KCNH1: variants seen among roughly 807,000 people sequenced by gnomAD.
The protein encoded by KCNH1 is voltage-gated delayed rectifier potassium channel KCNH1.
KCNH1 carries 27 observed loss-of-function variants against 69.2 expected under a neutral mutation model. That is an observed-to-expected ratio of 0.39 (90% CI 0.29 to 0.54). The LOEUF is 0.54. Among genes scored for constraint, KCNH1 ranks in the 20% least tolerant of loss-of-function variants. The pLI is 0.68. For synonymous variants in KCNH1, 456 were observed against 487.7 expected (o/e 0.93, Z 0.86); for missense variants, 798 against 1,261.6 (o/e 0.63, Z 5.57).
chr1:211,039,232 G>T (rs1366339537), intron 5 of KCNH1, among the ~76,000 whole-genome samples: 1 of 152,240 alleles, frequency 6.6e-6, no homozygotes, highest in East Asian at 1.9e-4. Context: ...TGTTGAGCCT[G>T]CAGGTACACA....
chr1:210,690,450 C>T (rs544098520), intron 10 of KCNH1, among the ~76,000 whole-genome samples: 57 of 152,300 alleles, frequency 3.7e-4, no homozygotes, highest in Middle Eastern at 3.4e-3. Flanking sequence ...CTTGACGTAG[C>T]TTTCCTCGTG....
At chr1:210,930,840 A>C (rs928349762) in intron 6 of KCNH1, among the ~76,000 whole-genome samples, 1 of 152,222 alleles carries the variant, frequency 6.6e-6, no homozygotes, top group Non-Finnish European at 1.5e-5. Flanking sequence ...AGCAAGAAAA[A>C]ACAAACAATC....
At chr1:210,935,120 TCACA>T (rs10588037) in intron 6 of KCNH1, among the ~76,000 whole-genome samples, 17,016 of 128,892 alleles carry the variant, frequency 0.13, 1,171 homozygotes, top group Non-Finnish European at 0.15. Flanking sequence ...AAAGAAAATG[TCACA>T]CACACACACA....
In KCNH1 at chr1:210,797,685, G is replaced by A. The variant is rs1298846019; in HGVS notation, c.1738C>T (p.Pro580Ser). 1.2e-6 allele frequency: 2 copies of A among 1,614,092 alleles called. No individual in the cohort carries two copies. The highest frequency in any genetic ancestry group is 1.7e-6 in the Non-Finnish European group (2 of 1,180,046). The change falls in exon 9 of 11, where the codon CCG becomes TCG. Residue 580 changes from proline to serine, a missense_variant. Physicochemically the swap from Pro to Ser is moderately conservative, Grantham distance 74. This residue lies in a region of KCNH1 where 197 missense variants were observed against 407.7 expected (regional missense o/e 0.48). Coordinates refer to ENST00000271751, the MANE Select transcript of KCNH1 (RefSeq NM_172362.3). ...CCATCACTGGCCAGCCGGAAGGCCG[G>A]GTGCTCCTTGAACACCTTGCGGTTC... The part of the protein sequence containing the change: ...HLNRKVFKEH[P>S]AFRLASDGCL...
At chr1:210,970,618 C>T (rs1374455073) in intron 6 of KCNH1, among the ~76,000 whole-genome samples, 3 of 152,114 alleles carry the variant, frequency 2.0e-5, no homozygotes, top group East Asian at 3.9e-4. Context: ...CTCTTCCTCA[C>T]ACCTTATACA....
At chr1:210,946,519 T>C (rs1687961655) in intron 6 of KCNH1, among the ~76,000 whole-genome samples, 1 of 152,200 alleles carries the variant, frequency 6.6e-6, no homozygotes, top group East Asian at 1.9e-4. Context: ...ATCCCACTTT[T>C]GATGCAGAAA....
At chr1:210,832,360 T>A (rs1189989549) in intron 7 of KCNH1, among the ~76,000 whole-genome samples, 2 of 152,186 alleles carry the variant, frequency 1.3e-5, no homozygotes, top group African/African-American at 4.8e-5. Context: ...CTTATGTTAA[T>A]ATTGCAGATA....
intron 10 of KCNH1, among the ~76,000 whole-genome samples, chr1:210,729,616 A>G (rs1298146341): frequency 6.6e-6 from 1 of 152,222 alleles, no homozygotes; most frequent in African/African-American, 2.4e-5. Context: ...AACATTTGCA[A>G]TTGACTGTCA....
chr1:210,859,466 G>C, intron 7 of KCNH1: 1 of 1,608,714 alleles, frequency 6.2e-7, no homozygotes, highest in East Asian at 2.2e-5. Flanking sequence ...TAGCCTTCCA[G>C]AGCAGTCTCT....
At chr1:210,823,899 T>C (rs1193140815) in intron 7 of KCNH1, among the ~76,000 whole-genome samples, 1 of 152,172 alleles carries the variant, frequency 6.6e-6, no homozygotes, top group African/African-American at 2.4e-5. Context: ...TGCCATTCAC[T>C]GAAGCCCATC....
At chr1:211,119,796 T>A (rs924817335) in intron 1 of KCNH1, among the ~76,000 whole-genome samples, 10 of 152,234 alleles carry the variant, frequency 6.6e-5, no homozygotes, top group Admixed American at 6.5e-4. Context: ...TTATTTGCTC[T>A]GTCTGATCTT....
chr1:210,894,641 G>A (rs1012747672), intron 7 of KCNH1, among the ~76,000 whole-genome samples: 2 of 152,110 alleles, frequency 1.3e-5, no homozygotes, highest in Admixed American at 6.6e-5. Context: ...CTGCCCTCAC[G>A]AATGGATTGA....
chr1:211,066,067 A>T (rs1184825732), intron 5 of KCNH1, among the ~76,000 whole-genome samples: 17 of 151,796 alleles, frequency 1.1e-4, no homozygotes, highest in South Asian at 2.1e-4. Flanking sequence ...TTAAAAAAAA[A>T]TTTTTTTTTA....
chr1:210,963,168 G>A (rs1203675845), intron 6 of KCNH1, among the ~76,000 whole-genome samples: 1 of 150,942 alleles, frequency 6.6e-6, no homozygotes, highest in African/African-American at 2.4e-5. Context: ...TTTGGTAACT[G>A]CCTTAAGAAA....
At chr1:210,751,861 A>G (rs1683290860) in intron 10 of KCNH1, among the ~76,000 whole-genome samples, 1 of 152,130 alleles carries the variant, frequency 6.6e-6, no homozygotes, top group South Asian at 2.1e-4. Context: ...ACCATATAAG[A>G]AACCATAGGC....
At chr1:210,886,925 T>G (rs960449938) in intron 7 of KCNH1, among the ~76,000 whole-genome samples, 2 of 152,168 alleles carry the variant, frequency 1.3e-5, no homozygotes, top group Admixed American at 6.5e-5. Flanking sequence ...GTTTGATTGA[T>G]GTACCTGAAA....
At chr1:211,078,934 A>AAAAGAAAG (rs1302462669) in intron 5 of KCNH1, among the ~76,000 whole-genome samples, 2 of 142,364 alleles carry the variant, frequency 1.4e-5, no homozygotes, top group Non-Finnish European at 3.1e-5. Flanking sequence ...AAAAAAAAAA[A>AAAAGAAAG]AAAGAAAGAA....
At chr1:210,934,805 C>T (rs1024691296) in intron 6 of KCNH1, among the ~76,000 whole-genome samples, 12 of 149,682 alleles carry the variant, frequency 8.0e-5, no homozygotes, top group Admixed American at 6.7e-4. Context: ...GAGGATGAGA[C>T]GAAAAAGGAA....
At chr1:210,761,253 A>G (rs1683512646) in intron 10 of KCNH1, among the ~76,000 whole-genome samples, 3 of 140,940 alleles carry the variant, frequency 2.1e-5, no homozygotes, top group Admixed American at 6.9e-5. Flanking sequence ...CTCCGTCAAA[A>G]AAAAAAAAAA....
Sources: allele counts gnomAD v4.1 joint callset (sites outside exome capture counted in the v4.1 genomes callset), GRCh38; gene constraint gnomAD v4.1.1; regional missense constraint gnomAD v4.1.1; transcripts MANE v1.5; gene names NCBI Gene and HGNC (gene_info 2026-07-23, HGNC 2026-07-21).